The following LGR5 variants were observed in gnomAD, a reference collection of about 807,000 sequenced individuals.
LGR5 encodes the protein leucine rich repeat containing G protein-coupled receptor 5.
A neutral mutation model predicts 76.7 loss-of-function variants in LGR5; 54 were observed. The observed-to-expected ratio is 0.70, with a 90% CI of 0.57 to 0.88. The LOEUF is 0.88. LGR5 is among the 40% of genes least tolerant of loss of function. The pLI is 0.00. For missense variants in LGR5, 1,078 were observed against 1,073.3 expected, an observed-to-expected ratio of 1.00 and a Z score of -0.06; for synonymous variants, 406 against 421.9, an observed-to-expected ratio of 0.96 and a Z score of 0.46.
chr12:71,578,887 C>G lies in LGR5; in HGVS notation c.1364C>G (p.Ala455Gly), dbSNP rs536797990. 6 of 1,611,586 alleles carry G rather than the reference C, an allele frequency of 3.7e-6. No homozygotes were observed. The highest frequency in any genetic ancestry group is 5.1e-6 in the Non-Finnish European group (6 of 1,178,744). The change falls in exon 15 of 18, where the codon GCC becomes GGC. Residue 455 changes from alanine (A) to glycine (G), a missense_variant. Transcript: ENST00000266674. Reference protein sequence around the residue: ...LTHLKLTGNHALQSLISSENF... With the variant: ...LTHLKLTGNHGLQSLISSENF... ...CACTTAAAATTAACAGGAAATCATGCCTTACAGAGCTTGATATCATCTGAA... is the reference window on the plus strand; with the variant it reads ...CACTTAAAATTAACAGGAAATCATGGCTTACAGAGCTTGATATCATCTGAA...
At chr12:71,494,823 C>T (rs1874239398) in intron 1 of LGR5, among the ~76,000 whole-genome samples, 1 of 151,188 alleles carries the variant, frequency 6.6e-6, no homozygotes, top group African/African-American at 2.5e-5. Flanking sequence ...ATTCTGGAAA[C>T]TAGTGCACTA....
chr12:71,572,914 C>T lies in LGR5; in HGVS notation c.1201C>T (p.Arg401Ter), dbSNP rs938561429. Residue 401 changes from arginine to a stop codon, truncating the protein, a stop_gained, in exon 13 of 18, where the codon CGA becomes TGA. Coordinates refer to ENST00000266674, the MANE Select transcript of LGR5 (RefSeq NM_003667.4). LOFTEE classifies it high-confidence loss of function. ...VDTFQQLLSL[R>*]SLNLAWNKIA... ...CACTTTCCAGCAGTTGCTTAGCCTC[C>T]GATCGCTGTGAGTATCACCTCCCAG... 5.0e-6 allele frequency: 8 copies of T among 1,612,790 alleles called. No homozygotes were observed. The highest frequency in any genetic ancestry group is 1.1e-5 in the South Asian group (1 of 91,048).
intron 2 of LGR5, among the ~76,000 whole-genome samples, chr12:71,509,953 A>G (rs954763250): frequency 2.0e-5 from 3 of 152,206 alleles, no homozygotes; most frequent in Admixed American, 6.5e-5. Flanking sequence ...GTAATGAGAG[A>G]TCACTAAACT....
intron 4 of LGR5, among the ~76,000 whole-genome samples, chr12:71,538,265 C>A (rs930912887): frequency 6.6e-6 from 1 of 152,122 alleles, no homozygotes; most frequent in Non-Finnish European, 1.5e-5. Flanking sequence ...GTAATCTCAG[C>A]GTTTTGGGAG....
chr12:71,544,512 A>G (rs1385688601), intron 4 of LGR5, among the ~76,000 whole-genome samples: 1 of 148,878 alleles, frequency 6.7e-6, no homozygotes, highest in Non-Finnish European at 1.5e-5. Context: ...ATTTGGAATC[A>G]CACATTATGG....
intron 1 of LGR5, among the ~76,000 whole-genome samples, chr12:71,492,427 C>G (rs1389368113): frequency 6.6e-6 from 1 of 152,052 alleles, no homozygotes; most frequent in Admixed American, 6.5e-5. Context: ...ATTTGAAACC[C>G]CCACCACAGA....
At chr12:71,470,347 A>G (rs1459453378) in intron 1 of LGR5, among the ~76,000 whole-genome samples, 1 of 152,180 alleles carries the variant, frequency 6.6e-6, no homozygotes, top group Non-Finnish European at 1.5e-5. Context: ...CTAGGAATAT[A>G]ACTAGAATTT....
chr12:71,502,329 C>G (rs1874646396), intron 1 of LGR5, among the ~76,000 whole-genome samples: 1 of 151,520 alleles, frequency 6.6e-6, no homozygotes, highest in African/African-American at 2.4e-5. Flanking sequence ...TCCCAAGTAG[C>G]TAGGATTACA....
chr12:71,470,707 C>G (rs188161299), intron 1 of LGR5, among the ~76,000 whole-genome samples: 1 of 152,322 alleles, frequency 6.6e-6, no homozygotes, highest in East Asian at 1.9e-4. Flanking sequence ...CTTACTCCCA[C>G]CCCATCTCTA....
chr12:71,478,055 C>A (rs1873418337), intron 1 of LGR5, among the ~76,000 whole-genome samples: 1 of 152,054 alleles, frequency 6.6e-6, no homozygotes, highest in African/African-American at 2.4e-5. Context: ...TCTCTTGCAT[C>A]TTTTCTTAGT....
chr12:71,514,254 G>A (rs560940290), intron 2 of LGR5, among the ~76,000 whole-genome samples: 1 of 152,240 alleles, frequency 6.6e-6, no homozygotes, highest in Non-Finnish European at 1.5e-5. Flanking sequence ...AATTAAAATT[G>A]AACTTCCTTA....
chr12:71,583,524 G>GT, intron 17 of LGR5, 123 bp from the exon 18 acceptor site: 1 of 1,102,120 alleles, frequency 9.1e-7, no homozygotes, highest in Non-Finnish European at 1.3e-6. Flanking sequence ...TGGGCACTGT[G>GT]TGTTATTAGG....
At chr12:71,475,413 C>T (rs139939025) in intron 1 of LGR5, among the ~76,000 whole-genome samples, 1,543 of 152,272 alleles carry the variant, frequency 0.01, 20 homozygotes, top group African/African-American at 0.035. Context: ...TAGAGTGGCT[C>T]CCAGAGCCTC....
rs763642142 is a variant in LGR5, at chr12:71,584,826, G to A, written c.*92G>A. On this transcript the variant is annotated 3_prime_UTR_variant, in exon 18 of 18. Transcript: ENST00000266674. ...GCAGTAATTAATAAGAAGAGCTGAG[G>A]TGAAACTCGGTTTAAAAACCAAAAA... is the stretch of plus-strand genomic sequence containing the variant. 2.0e-5 allele frequency: 28 copies of A among 1,375,298 alleles called. No homozygotes were observed. Among genetic ancestry groups the A allele is most frequent in the Non-Finnish European group, 2.8e-5 (28 of 1,014,508 alleles). 85.2% of individuals were successfully genotyped at this position (1,375,298 alleles called of 1,614,324 possible). A position where few individuals can be genotyped will look rare whatever the true frequency, so the allele number is the denominator to read the frequency against.
intron 1 of LGR5, among the ~76,000 whole-genome samples, chr12:71,475,523 C>T (rs966446228): frequency 6.6e-6 from 1 of 152,160 alleles, no homozygotes; most frequent in Non-Finnish European, 1.5e-5. Context: ...TGTTGCAACA[C>T]AAGCACTTCC....
chr12:71,467,768 T>C (rs754688401), intron 1 of LGR5, among the ~76,000 whole-genome samples: 1 of 152,216 alleles, frequency 6.6e-6, no homozygotes, highest in Non-Finnish European at 1.5e-5. Context: ...AAGTACTTGT[T>C]CTTTTCATGT....
intron 3 of LGR5, among the ~76,000 whole-genome samples, chr12:71,525,950 T>C (rs945115939): frequency 1.1e-4 from 16 of 151,900 alleles, no homozygotes; most frequent in African/African-American, 3.9e-4. Context: ...TATATATTTC[T>C]AATTGTATTC....
At chr12:71,566,941 G>A in intron 11 of LGR5, 29 bp downstream of exon 11, 1 of 1,514,404 alleles carries the variant, frequency 6.6e-7, no homozygotes, top group Non-Finnish European at 9.2e-7. Context: ...ATAATGTTGT[G>A]TAAACAGGCA....
rs574660639 is a variant in LGR5 at position 71,447,066 on chromosome 12, C to T, written c.212+6774C>T. 2.4e-4 allele frequency among the ~76,000 whole-genome samples: 36 copies of T among 152,274 alleles called. 1 individual carries two copies. The highest frequency in any genetic ancestry group is 2.1e-4 in the South Asian group (1 of 4,824). ...ATTTCTCAGTTCAGACAGACATGAA[C>T]TTTCTTAACAGGCAAATTCTATTTG... On this transcript the variant is annotated intron_variant, in intron 1 of 17. Coordinates refer to ENST00000266674, the MANE Select transcript of LGR5 (RefSeq NM_003667.4).
Sources: allele counts gnomAD v4.1 joint callset (sites outside exome capture counted in the v4.1 genomes callset), GRCh38; gene constraint gnomAD v4.1.1; transcripts MANE v1.5; gene names NCBI Gene and HGNC (gene_info 2026-07-23, HGNC 2026-07-21).